The following INPP5B variants were observed in gnomAD, a reference collection of about 807,000 sequenced individuals.
INPP5B encodes the protein type II inositol 1,4,5-trisphosphate 5-phosphatase.
A neutral mutation model predicts 118.5 loss-of-function variants in INPP5B; 90 were observed. The observed-to-expected ratio is 0.76, with a 90% CI of 0.64 to 0.90. The LOEUF (loss-of-function observed/expected upper bound fraction) is 0.90. Among genes scored for constraint, INPP5B ranks in the 40% least tolerant of loss-of-function variants. INPP5B has a pLI of 0.00. For synonymous variants in INPP5B, 385 were observed against 418.9 expected (o/e 0.92, Z 0.99); for missense variants, 984 against 1,125.6 (o/e 0.87, Z 1.80).
chr1:37,917,366 C>T (rs1644911028), intron 7 of INPP5B, among the ~76,000 whole-genome samples: 1 of 135,948 alleles, frequency 7.4e-6, no homozygotes, highest in Admixed American at 8.0e-5. Context: ...CTCTATCACT[C>T]AGGCTGAAGT....
At chr1:37,891,227 CA>C (rs71656437) in intron 8 of INPP5B, 130 bp downstream of exon 8, 19,857 of 423,160 alleles carry the variant, frequency 0.047, no homozygotes, top group South Asian at 0.087. Context: ...AACTCTGTCT[CA>C]AAAAAAAAAA....
At chr1:37,897,674 A>G (rs1299552977) in intron 7 of INPP5B, among the ~76,000 whole-genome samples, 2 of 151,780 alleles carry the variant, frequency 1.3e-5, no homozygotes, top group Non-Finnish European at 2.9e-5. Context: ...TCCCTCCACT[A>G]TTGTCCTGTG....
chr1:37,943,878 C>T lies in INPP5B; in HGVS notation c.168G>A (p.Thr56=), dbSNP rs201728137. The change falls in exon 4 of 24, where the codon ACG becomes ACA. Residue 56 remains threonine (T), a synonymous_variant. Coordinates refer to ENST00000373024, the MANE Select transcript of INPP5B (RefSeq NM_005540.3). ...CCCCGGTAATGGCCATCCTCCGGTG[C>T]GTATAGAGGAAGAGACTAAGGGCAG... ...GGQEHALFLY[T]HRRMAITGDD... 559 of 1,613,378 alleles carry T rather than the reference C, an allele frequency of 3.5e-4. 1 individual carries two copies. The highest frequency in any genetic ancestry group is 4.4e-4 in the Non-Finnish European group (516 of 1,179,544).
intron 7 of INPP5B, among the ~76,000 whole-genome samples, chr1:37,920,897 G>A (rs892633649): frequency 1.3e-5 from 2 of 152,064 alleles, no homozygotes; most frequent in Non-Finnish European, 2.9e-5. Flanking sequence ...ACAAGGTCAG[G>A]AGATCGAGAC....
intron 15 of INPP5B, 143 bp from the exon 16 acceptor site, chr1:37,878,466 C>T (rs568543752): frequency 1.6e-5 from 24 of 1,454,866 alleles, no homozygotes; most frequent in African/African-American, 5.6e-5. Context: ...AAGAGCAATT[C>T]GGGCCCACCA....
chr1:37,886,073 G>A (rs1219440291), intron 12 of INPP5B, among the ~76,000 whole-genome samples: 2 of 151,974 alleles, frequency 1.3e-5, no homozygotes, highest in Non-Finnish European at 2.9e-5. Context: ...AGCTACTCGG[G>A]AGGCTGAGGC....
intron 7 of INPP5B, among the ~76,000 whole-genome samples, chr1:37,912,420 T>C (rs1453762699): frequency 1.3e-5 from 2 of 152,234 alleles, no homozygotes; most frequent in East Asian, 1.9e-4. Context: ...ATAACCCTTA[T>C]GAGCCTAATA....
At chr1:37,901,654 A>G (rs1341524938) in intron 7 of INPP5B, among the ~76,000 whole-genome samples, 1 of 152,110 alleles carries the variant, frequency 6.6e-6, no homozygotes, top group Non-Finnish European at 1.5e-5. Flanking sequence ...CAAGGACCAG[A>G]ACATCTTCAC....
intron 20 of INPP5B, among the ~76,000 whole-genome samples, chr1:37,866,860 G>GA (rs1182820749): frequency 2.0e-5 from 3 of 152,048 alleles, no homozygotes; most frequent in African/African-American, 4.8e-5. Flanking sequence ...TTACCCAGGG[G>GA]AAAAAAAATG....
chr1:37,904,638 G>A (rs1397258918), intron 7 of INPP5B, among the ~76,000 whole-genome samples: 2 of 152,170 alleles, frequency 1.3e-5, no homozygotes, highest in African/African-American at 2.4e-5. Context: ...AGCACTTTGG[G>A]AGGCCGAGGT....
chr1:37,934,722 G>T (rs1034020968), intron 6 of INPP5B, among the ~76,000 whole-genome samples: 1 of 152,118 alleles, frequency 6.6e-6, no homozygotes, highest in Non-Finnish European at 1.5e-5. Context: ...GTTACCCCAG[G>T]TGTGGTGTGG....
intron 7 of INPP5B, among the ~76,000 whole-genome samples, chr1:37,909,376 C>G (rs961718142): frequency 6.6e-6 from 1 of 152,120 alleles, no homozygotes; most frequent in African/African-American, 2.4e-5. Flanking sequence ...TCTGCTCCCC[C>G]ACCCTATAAC....
chr1:37,923,651 GA>G (rs370880247), intron 7 of INPP5B, among the ~76,000 whole-genome samples: 1,588 of 143,406 alleles, frequency 0.011, 32 homozygotes, highest in African/African-American at 0.038. Flanking sequence ...AGGCACTGCA[GA>G]AAAAAAAAAA....
chr1:37,889,986 A>G (rs1430883025), intron 8 of INPP5B, among the ~76,000 whole-genome samples: 1 of 152,214 alleles, frequency 6.6e-6, no homozygotes, highest in Non-Finnish European at 1.5e-5. Context: ...CATCTTAAAG[A>G]TAATCTAATT....
At chr1:37,883,270 G>A in intron 13 of INPP5B, 1 of 985,412 alleles carries the variant, frequency 1.0e-6, no homozygotes, top group Non-Finnish European at 1.2e-6. Flanking sequence ...ATCACCCAGA[G>A]ATCCCAAATC....
intron 14 of INPP5B, among the ~76,000 whole-genome samples, chr1:37,882,450 G>C (rs904017684): frequency 6.6e-6 from 1 of 152,158 alleles, no homozygotes; most frequent in Non-Finnish European, 1.5e-5. Context: ...AGGAGAAGGA[G>C]GCTCATTCTA....
rs768979267 is a variant in INPP5B, at chr1:37,885,620, G to A, written c.1319+18C>T. ...ATGTACTCATGGTGAACCGCATGGG[G>A]TGGAAGCCCAGACTCACTCATGGTT... On this transcript the variant is annotated intron_variant, in intron 13 of 23. Transcript: ENST00000373024. 2.5e-6 allele frequency: 4 copies of A among 1,611,382 alleles called. No individual in the cohort carries two copies. The highest frequency in any genetic ancestry group is 1.3e-5 in the African/African-American group (1 of 74,994).
At chr1:37,901,759 G>A (rs547765726) in intron 7 of INPP5B, among the ~76,000 whole-genome samples, 6 of 152,184 alleles carry the variant, frequency 3.9e-5, no homozygotes, top group South Asian at 2.1e-4. Flanking sequence ...AACCTGGCAC[G>A]GAAGCTGGCT....
Position 37,878,581 on chromosome 1 carries a change from C to G in INPP5B, c.1542-258G>C, listed in dbSNP as rs549209753. 3.9e-6 allele frequency: 3 copies of G among 773,510 alleles called. No homozygotes were observed. In the African/African-American group the frequency reaches 5.6e-5, roughly 15 times the overall value. 47.9% of individuals were successfully genotyped at this position (773,510 alleles called of 1,614,324 possible). A position where few individuals can be genotyped will look rare whatever the true frequency, so the allele number is the denominator to read the frequency against. ...CTGATCTTTATCCTCCTATGAGAAT[C>G]AGGAGAGAATTAAAAAACCAATCTG... On this transcript the variant is annotated intron_variant, in intron 15 of 23. Coordinates refer to ENST00000373024, the MANE Select transcript of INPP5B (RefSeq NM_005540.3).
Sources: gnomAD v4.1 joint callset for allele counts (sites outside exome capture counted in the v4.1 genomes callset) on GRCh38, gnomAD v4.1.1 for gene constraint, MANE v1.5 for transcripts, NCBI Gene and HGNC (gene_info 2026-07-23, HGNC 2026-07-21) for gene names.